Variants in CSMD2 observed in about 807,000 individuals in gnomAD.
The protein encoded by CSMD2 is CUB and sushi domain-containing protein 2.
A neutral mutation model predicts 398.5 loss-of-function variants in CSMD2; 130 were observed. The observed-to-expected ratio is 0.33, with a 90% confidence interval of 0.28 to 0.38. The LOEUF (loss-of-function observed/expected upper bound fraction) is 0.38. CSMD2 is among the 10% of genes least tolerant of loss of function. CSMD2 has a pLI of 1.00. For missense variants in CSMD2, 3,829 were observed against 4,764.9 expected, an observed-to-expected ratio of 0.80 and a Z score of 5.78; for synonymous variants, 1,828 against 1,908.5, an observed-to-expected ratio of 0.96 and a Z score of 1.10.
intron 32 of CSMD2, among the ~76,000 whole-genome samples, chr1:33,632,449 G>A (rs573067067): frequency 3.3e-5 from 5 of 151,876 alleles, no homozygotes; most frequent in Non-Finnish European, 5.9e-5. Flanking sequence ...TAGAAAAATC[G>A]ACACAAATTC....
Position 33,720,303 on chromosome 1 carries a change from T to C in CSMD2, c.3002-3802A>G, listed in dbSNP as rs963191652. ...GCTCCTAGTCTGTCAGGGAGACTGA[T>C]GATGAAAATGCAAGTTCTCTACAGT... is the stretch of plus-strand genomic sequence containing the variant. On this transcript the variant is annotated intron_variant, in intron 19 of 70. Coordinates refer to ENST00000373381, the MANE Select transcript of CSMD2 (RefSeq NM_001281956.2). 1.1e-4 allele frequency among the ~76,000 whole-genome samples: 16 copies of C among 152,256 alleles called. No homozygotes were observed. In the East Asian group the frequency reaches 3.1e-3, roughly 29 times the overall value.
intron 44 of CSMD2, among the ~76,000 whole-genome samples, chr1:33,594,628 TGTCCACTGG>T (rs1378373002): frequency 6.6e-6 from 1 of 152,246 alleles, no homozygotes; most frequent in African/African-American, 2.4e-5. Context: ...CTTGGCTCTT[TGTCCACTGG>T]GTCTCCTTAT....
At chr1:33,979,871 A>G (rs1646102401) in intron 3 of CSMD2, among the ~76,000 whole-genome samples, 2 of 152,122 alleles carry the variant, frequency 1.3e-5, no homozygotes, top group African/African-American at 4.8e-5. Context: ...AACCTCTCTG[A>G]GCTTCAGTTT....
At chr1:34,058,004 G>A (rs1400848499) in intron 2 of CSMD2, among the ~76,000 whole-genome samples, 1 of 152,198 alleles carries the variant, frequency 6.6e-6, no homozygotes, top group Non-Finnish European at 1.5e-5. Context: ...TGGCCTGAAA[G>A]CAGAGAGAAC....
intron 5 of CSMD2, among the ~76,000 whole-genome samples, chr1:33,887,840 ATGAT>A (rs1452703518): frequency 6.6e-6 from 1 of 152,158 alleles, no homozygotes; most frequent in Non-Finnish European, 1.5e-5. Flanking sequence ...TGCAGCTAAT[ATGAT>A]TGTCTAATCT....
chr1:33,523,689 A>T (rs1217917067), intron 66 of CSMD2, among the ~76,000 whole-genome samples: 1 of 152,242 alleles, frequency 6.6e-6, no homozygotes, highest in Non-Finnish European at 1.5e-5. Flanking sequence ...TGACACAGGC[A>T]TGTGTGAGAA....
intron 19 of CSMD2, among the ~76,000 whole-genome samples, chr1:33,723,952 C>T (rs667892): frequency 0.4 from 60,900 of 152,020 alleles, 14,677 homozygotes; most frequent in African/African-American, 0.66. Flanking sequence ...TGAGATTGGA[C>T]AGCTGGTAAC....
chr1:33,948,519 C>G (rs184266111), intron 3 of CSMD2, among the ~76,000 whole-genome samples: 2 of 152,194 alleles, frequency 1.3e-5, no homozygotes, highest in African/African-American at 4.8e-5. Flanking sequence ...ATTCAGGATG[C>G]GTCTGAACAC....
chr1:33,522,634 T>C lies in CSMD2; in HGVS notation c.10509+673A>G, dbSNP rs1654416611. Among the ~76,000 whole-genome samples the C allele has an allele frequency of 2.6e-5, 4 of 152,196 alleles. No homozygotes were observed. In the South Asian group the frequency reaches 8.3e-4, roughly 32 times the overall value. ...TGAGAATGCACTGTGACTCCCTAGC[T>C]CTCTGCTACTCTGGTCTACCATGAC... On this transcript the variant is annotated intron_variant, in intron 67 of 70. Transcript: ENST00000373381.
intron 5 of CSMD2, among the ~76,000 whole-genome samples, chr1:33,874,453 C>T (rs916787926): frequency 1.3e-5 from 2 of 152,168 alleles, no homozygotes; most frequent in East Asian, 3.9e-4. Context: ...CATGTTTTTT[C>T]TTCTGTCCTG....
At chr1:33,724,767 G>A in intron 17 of CSMD2, 63 bp from the exon 18 acceptor site, 1 of 1,466,538 alleles carries the variant, frequency 6.8e-7, no homozygotes, top group South Asian at 1.2e-5. Context: ...GACCCCAGTT[G>A]ACTCCAAAGA....
chr1:34,055,734 G>A (rs1023827281), intron 2 of CSMD2, among the ~76,000 whole-genome samples: 40 of 152,282 alleles, frequency 2.6e-4, no homozygotes, highest in South Asian at 2.1e-4. Flanking sequence ...GAAGCTCCTT[G>A]AGCCCAGTCT....
At chr1:33,600,310 T>C in intron 44 of CSMD2, 1 of 601,006 alleles carries the variant, frequency 1.7e-6, no homozygotes, top group South Asian at 2.1e-5. Flanking sequence ...TCTATAAGTT[T>C]CTCTAGGCAA....
Position 33,716,532 on chromosome 1 carries a change from A to T in CSMD2, c.3002-31T>A, listed in dbSNP as rs369596340. 134 of 1,527,354 alleles carry T rather than the reference A, an allele frequency of 8.8e-5. No individual in the cohort carries two copies. The African/African-American group carries it at 1.6e-3, about 18-fold the overall frequency. 94.6% of individuals were successfully genotyped at this position (1,527,354 alleles called of 1,614,324 possible). Reference sequence around the variant, plus strand: ...AAGAGACCAGAGGGTCAGGTTGTTGATGGCGAGATGGCTGGAGAACCTCAG... The same window carrying T: ...AAGAGACCAGAGGGTCAGGTTGTTGTTGGCGAGATGGCTGGAGAACCTCAG... On this transcript the variant is annotated intron_variant, in intron 19 of 70. Coordinates refer to ENST00000373381, the MANE Select transcript of CSMD2 (RefSeq NM_001281956.2).
intron 13 of CSMD2, among the ~76,000 whole-genome samples, chr1:33,755,913 T>C (rs961619517): frequency 1.3e-5 from 2 of 152,106 alleles, no homozygotes; most frequent in Admixed American, 6.5e-5. Context: ...ACACAAGTTT[T>C]TGTGTTTCTT....
Position 33,693,053 on chromosome 1 carries a change from T to A in CSMD2, c.3929A>T (p.Glu1310Val). 5 of 1,592,618 alleles carry A rather than the reference T, an allele frequency of 3.1e-6. No homozygotes were observed. The highest frequency in any genetic ancestry group is 4.3e-6 in the Non-Finnish European group (5 of 1,171,602). The change falls in exon 25 of 71, where the codon GAG becomes GTG. Residue 1310 changes from glutamate to valine, a missense_variant. By Grantham distance (121) the Glu-to-Val change is moderately radical (BLOSUM62 -2). Around this residue, in one of 5 missense-constraint regions of CSMD2, gnomAD observed 2,001 missense variants for 2,567.1 expected, o/e 0.78. Transcript: ENST00000373381. The stretch of plus-strand genomic sequence containing the variant: ...CTCTCCTCTCACTGTCCCTCCACAC[T>A]CGGCTGAAAGAAATCCCAAAAGAGT... ...WDRPLPTCVA[E>V]CGGTVRGEVS...
rs377305491 is a variant in CSMD2, at chr1:33,625,303, G to A, written c.5297-49C>T. ...GGGAGGCCTCACCCCTCAGAAACTG[G>A]CCCAGGGACGGACATACAACGGGTC... On this transcript the variant is annotated intron_variant, in intron 33 of 70. Transcript: ENST00000373381. 3.9e-6 allele frequency: 6 copies of A among 1,529,630 alleles called. No homozygotes were observed. In the African/African-American group the frequency reaches 8.2e-5, roughly 21 times the overall value. The allele number at this position is 1,529,630 out of a possible 1,614,324, so 94.8% of individuals were successfully genotyped here.
chr1:33,764,257 C>A (rs1650202562), intron 13 of CSMD2, among the ~76,000 whole-genome samples: 1 of 152,146 alleles, frequency 6.6e-6, no homozygotes, highest in Admixed American at 6.5e-5. Flanking sequence ...TCTTTCAGCC[C>A]TGGACTCCCT....
At chr1:33,576,450 G>C (rs1660082254) in intron 49 of CSMD2, among the ~76,000 whole-genome samples, 1 of 152,146 alleles carries the variant, frequency 6.6e-6, no homozygotes, top group Non-Finnish European at 1.5e-5. Flanking sequence ...AATTAGCCAG[G>C]CATGGTGGCG....
Sources: gnomAD v4.1 joint callset for allele counts (sites outside exome capture counted in the v4.1 genomes callset) on GRCh38, gnomAD v4.1.1 for gene constraint, gnomAD v4.1.1 regional missense constraint, MANE v1.5 for transcripts, NCBI Gene and HGNC (gene_info 2026-07-23, HGNC 2026-07-21) for gene names.